VPS72: variants seen among roughly 807,000 people sequenced by gnomAD.
VPS72 encodes vacuolar protein sorting 72 homolog.
A neutral mutation model predicts 38.9 loss-of-function variants in VPS72; 27 were observed. The observed-to-expected ratio is 0.69, with a 90% CI of 0.51 to 0.96. The LOEUF (loss-of-function observed/expected upper bound fraction) is 0.96. Ranked by LOEUF, VPS72 falls within the 40% of genes least tolerant of loss-of-function variation. The probability of loss-of-function intolerance (pLI) is 0.00; values close to 1 mark genes in which losing one functional copy is unlikely to be tolerated. For missense variants in VPS72, 360 were observed against 479.5 expected, an observed-to-expected ratio of 0.75 and a Z score of 2.33; for synonymous variants, 173 against 186.3, an observed-to-expected ratio of 0.93 and a Z score of 0.58.
Position 151,176,623 on chromosome 1 carries a change from T to C in VPS72, c.*21A>G. 1 of 1,608,694 alleles carries C rather than the reference T, an allele frequency of 6.2e-7. No individual in the cohort carries two copies. Among genetic ancestry groups the C allele is most frequent in the East Asian group, 2.2e-5 (1 of 44,792 alleles). On this transcript the variant is annotated 3_prime_UTR_variant, in exon 6 of 6. Coordinates refer to ENST00000368892, the MANE Select transcript of VPS72 (RefSeq NM_005997.3). ...GCCCCAATCAGGGCAGGAAAGAAGT[T>C]TCTGAGGACTAGACATCTCTTCATT...
intron 4 of VPS72, among the ~76,000 whole-genome samples, chr1:151,183,370 C>T (rs587640495): frequency 2.2e-5 from 3 of 133,558 alleles, no homozygotes; most frequent in African/African-American, 5.7e-5. Context: ...TGCAGTGAGC[C>T]GAGATCATAC....
chr1:151,184,627 C>T (rs1468694983), intron 3 of VPS72, 134 bp from the exon 4 acceptor site: 3 of 1,034,066 alleles, frequency 2.9e-6, no homozygotes, highest in South Asian at 1.9e-5. Flanking sequence ...GCTCTGTCGC[C>T]CAGGCTGGAG....
intron 4 of VPS72, among the ~76,000 whole-genome samples, chr1:151,181,763 C>G (rs984224032): frequency 1.3e-5 from 2 of 152,186 alleles, no homozygotes; most frequent in African/African-American, 2.4e-5. Context: ...TTAAATGCTC[C>G]TCAGTCTCCT....
chr1:151,182,146 G>A lies in VPS72; in HGVS notation c.562+2171C>T, dbSNP rs367662562. On this transcript the variant is annotated intron_variant, in intron 4 of 5. Coordinates refer to ENST00000368892, the MANE Select transcript of VPS72 (RefSeq NM_005997.3). ...GGGTTCAAGTGATTCTCCTGCCTCA[G>A]CCTCCCAAGTAGCTGGGATTACAGG... Among the ~76,000 whole-genome samples, 18 of 152,272 alleles carry A rather than the reference G, an allele frequency of 1.2e-4. No homozygotes were observed. In the East Asian group the frequency reaches 3.3e-3, roughly 28 times the overall value.
chr1:151,181,129 C>G (rs374341107), intron 4 of VPS72, among the ~76,000 whole-genome samples: 4 of 152,318 alleles, frequency 2.6e-5, no homozygotes, highest in Middle Eastern at 3.4e-3. Flanking sequence ...TACCCCAATT[C>G]CCATCATCTT....
intron 1 of VPS72, among the ~76,000 whole-genome samples, chr1:151,187,580 G>C (rs1490801769): frequency 6.6e-6 from 1 of 152,126 alleles, no homozygotes; most frequent in African/African-American, 2.4e-5. Context: ...GGCTTTTATT[G>C]AGAGTCATTA....
chr1:151,185,379 G>C (rs1483243346), intron 3 of VPS72, 127 bp downstream of exon 3: 1 of 866,208 alleles, frequency 1.2e-6, no homozygotes, highest in African/African-American at 1.7e-5. Context: ...ACCCGCCTAG[G>C]CCTCCCAAAG....
At chr1:151,181,121 C>G (rs1441938202) in intron 4 of VPS72, among the ~76,000 whole-genome samples, 1 of 152,210 alleles carries the variant, frequency 6.6e-6, no homozygotes, top group Non-Finnish European at 1.5e-5. Flanking sequence ...TTCGTCTCTA[C>G]CCCAATTCCC....
chr1:151,186,552 C>G (rs140339101), intron 1 of VPS72, among the ~76,000 whole-genome samples: 3 of 143,868 alleles, frequency 2.1e-5, no homozygotes, highest in Non-Finnish European at 4.5e-5. Context: ...GGGCGAGACA[C>G]AGTCTCAAAA....
intron 5 of VPS72, 30 bp downstream of exon 5, chr1:151,177,971 C>T (rs780263680): frequency 6.2e-7 from 1 of 1,608,598 alleles, no homozygotes; most frequent in Non-Finnish European, 8.5e-7. Flanking sequence ...GCTGAACACA[C>T]AATCTCTTTT....
At chr1:151,187,024 C>T (rs952288299) in intron 1 of VPS72, among the ~76,000 whole-genome samples, 34 of 152,090 alleles carry the variant, frequency 2.2e-4, no homozygotes, top group Non-Finnish European at 1.5e-5. Context: ...GACAGAAAAA[C>T]AGCTGAGTAC....
rs1047026358 is a variant in VPS72 at position 151,186,036 on chromosome 1, T to A, written c.118-86A>T. ...GAACAGAATCTCTCGACTTTCTTGA[T>A]AAGGGCTGCCCTACTCTCCTTCCTA... is the stretch of plus-strand genomic sequence containing the variant. On this transcript the variant is annotated intron_variant, in intron 1 of 5. Coordinates refer to ENST00000368892, the MANE Select transcript of VPS72 (RefSeq NM_005997.3). The A allele has an allele frequency of 3.9e-6, 6 of 1,519,340 alleles. No individual in the cohort carries two copies. The African/African-American group carries it at 8.3e-5, about 21-fold the overall frequency. The allele number at this position is 1,519,340 out of a possible 1,614,324, so 94.1% of individuals were successfully genotyped here. A position where few individuals can be genotyped will look rare whatever the true frequency, so the allele number is the denominator to read the frequency against.
In VPS72 at chr1:151,184,484, G is replaced by C; in HGVS notation, c.395C>G (p.Ser132Cys). The C allele has an allele frequency of 6.2e-7, 1 of 1,611,870 alleles. No individual in the cohort carries two copies. The highest frequency in any genetic ancestry group is 8.5e-7 in the Non-Finnish European group (1 of 1,178,892). The change falls in exon 4 of 6, where the codon TCT becomes TGT. Residue 132 changes from serine (S) to cysteine (C), a missense_variant. By Grantham distance (112) the Ser-to-Cys change is moderately radical. Coordinates refer to ENST00000368892, the MANE Select transcript of VPS72 (RefSeq NM_005997.3). ...LQDDGSDSRK[S>C]MRQSTAEHTR... ...ATGCTCAGCTGTAGACTGACGCATA[G>C]ACTTCCGACCTGGAAGAGAGTGAGA...
At position 151,182,658 on chromosome 1, in the gene VPS72, TC is replaced by T. The variant is rs144398663; in HGVS notation, c.562+1658del. ...GCTAAGGTAATGTCTGACCTCTATC[TC>T]ACCAAAACCAATGGGCACTTCTCAG... On this transcript the variant is annotated intron_variant, in intron 4 of 5. Transcript: ENST00000368892. Among the ~76,000 whole-genome samples, 1,428 of 152,244 alleles carry T rather than the reference TC, an allele frequency of 9.4e-3. 20 individuals are homozygous for T. The highest frequency in any genetic ancestry group is 0.033 in the African/African-American group (1,356 of 41,524).
intron 1 of VPS72, 22 bp downstream of exon 1, chr1:151,189,983 T>C (rs1167396894): frequency 2.5e-6 from 4 of 1,610,816 alleles, no homozygotes; most frequent in African/African-American, 2.7e-5. Context: ...CTCCCCTCCC[T>C]TTTCCCAGGC....
rs765682395 is a variant in VPS72, at chr1:151,184,288, A to G, written c.562+29T>C. The G allele has an allele frequency of 1.9e-6, 3 of 1,608,530 alleles. No individual in the cohort carries two copies. In the African/African-American group the frequency reaches 4.0e-5, roughly 22 times the overall value. On this transcript the variant is annotated intron_variant, in intron 4 of 5. Coordinates refer to ENST00000368892, the MANE Select transcript of VPS72 (RefSeq NM_005997.3). ...TTTTCTCATGCCCCTCAGCCCCTCT[A>G]CTCACTTTTTCTGAAACCACAGACT...
intron 1 of VPS72, among the ~76,000 whole-genome samples, chr1:151,188,061 G>A (rs763415407): frequency 1.6e-5 from 2 of 123,162 alleles, no homozygotes; most frequent in Non-Finnish European, 3.4e-5. Flanking sequence ...TTTTTTTTTT[G>A]AGACAGAGTC....
chr1:151,185,416 G>A (rs982785620), intron 3 of VPS72, 90 bp downstream of exon 3: 124 of 1,314,748 alleles, frequency 9.4e-5, no homozygotes, highest in Non-Finnish European at 1.2e-4. Context: ...GTGAGCCACC[G>A]CACCCAGCAA....
At chr1:151,178,218 G>A (rs587634910) in intron 4 of VPS72, 73 bp from the exon 5 acceptor site, 25 of 1,504,754 alleles carry the variant, frequency 1.7e-5, no homozygotes, top group African/African-American at 9.7e-5. Context: ...ACTGTCCCAC[G>A]ATCTCTCAAT....
Sources: allele counts gnomAD v4.1 joint callset (sites outside exome capture counted in the v4.1 genomes callset), GRCh38; gene constraint gnomAD v4.1.1; transcripts MANE v1.5; gene names NCBI Gene and HGNC (gene_info 2026-07-23, HGNC 2026-07-21).